The following GSE1 variants were observed in gnomAD, a reference collection of about 807,000 sequenced individuals.
GSE1 encodes genetic suppressor element 1.
Under a neutral mutation model 112.6 loss-of-function variants are expected in GSE1, and 32 were observed. That is an observed-to-expected ratio of 0.28 (90% CI 0.21 to 0.38). The LOEUF is 0.38. GSE1 is among the 10% of genes least tolerant of loss of function. The pLI is 1.00. For synonymous variants in GSE1, 1,115 were observed against 735.6 expected (o/e 1.52, Z -8.35); for missense variants, 2,348 against 1,699.2 (o/e 1.38, Z -6.71).
chr16:85,606,870 C>G (rs1025066830), upstream of GSE1, among the ~76,000 whole-genome samples: 2 of 152,232 alleles, frequency 1.3e-5, no homozygotes, highest in African/African-American at 4.8e-5. Flanking sequence ...TTCTCTGCCC[C>G]CCATCAAGGG....
At chr16:85,547,878 C>CAA (rs755865916) in intron 2 of GSE1, among the ~76,000 whole-genome samples, 25,210 of 91,788 alleles carry the variant, frequency 0.27, 2,885 homozygotes, top group South Asian at 0.44. Flanking sequence ...GTCTCTGTCT[C>CAA]AAAAAAAAAA....
intron 2 of GSE1, among the ~76,000 whole-genome samples, chr16:85,390,398 G>A (rs894637415): frequency 2.6e-5 from 4 of 152,160 alleles, no homozygotes; most frequent in African/African-American, 7.2e-5. Flanking sequence ...GGGGGCACCC[G>A]TGCCCCCCAG....
intron 1 of GSE1, among the ~76,000 whole-genome samples, chr16:85,176,482 G>A (rs1162944059): frequency 1.3e-5 from 2 of 152,238 alleles, no homozygotes; most frequent in African/African-American, 2.4e-5. Context: ...CTTCCCCAGT[G>A]TGGACCATCT....
At chr16:85,345,345 G>A (rs1036493573) in intron 1 of GSE1, among the ~76,000 whole-genome samples, 1 of 152,202 alleles carries the variant, frequency 6.6e-6, no homozygotes, top group Non-Finnish European at 1.5e-5. Flanking sequence ...GGCTGCTTGG[G>A]TGCTGCAGTG....
upstream of GSE1, among the ~76,000 whole-genome samples, chr16:85,553,454 C>T (rs531145287): frequency 1.1e-3 from 167 of 151,868 alleles, 1 homozygote; most frequent in African/African-American, 3.6e-3. Context: ...GCGCGGGCGG[C>T]CCCGAGCGGC....
chr16:85,603,744 C>T (rs957653962), intron 1 of GSE1, among the ~76,000 whole-genome samples: 18 of 152,266 alleles, frequency 1.2e-4, no homozygotes, highest in African/African-American at 4.3e-4. Flanking sequence ...AGGGCTCAAG[C>T]GATCCTCCCT....
intron 2 of GSE1, among the ~76,000 whole-genome samples, chr16:85,464,674 G>C (rs2050075363): frequency 2.0e-5 from 3 of 152,244 alleles, no homozygotes. Flanking sequence ...TGGCCTGCAG[G>C]GTGTGGTGGT....
intron 1 of GSE1, among the ~76,000 whole-genome samples, chr16:85,286,232 T>C (rs538073393): frequency 6.6e-6 from 1 of 152,344 alleles, no homozygotes; most frequent in South Asian, 2.1e-4. Context: ...CCACTTGATA[T>C]TTTCCAATAC....
chr16:85,364,075 T>TA (rs1567713414), intron 2 of GSE1, among the ~76,000 whole-genome samples: 1 of 152,256 alleles, frequency 6.6e-6, no homozygotes, highest in African/African-American at 2.4e-5. Flanking sequence ...AGTCTGACGT[T>TA]AGTCTCACTG....
chr16:85,451,426 C>T lies in GSE1; in HGVS notation c.2464+93783C>T, dbSNP rs552560513. Reference sequence around the variant, plus strand: ...TGCGTGAGCTGGTGGTTGGTGCGTGCGCTGGTGGTGGTTGGTGTGTGTGCT... The same window carrying T: ...TGCGTGAGCTGGTGGTTGGTGCGTGTGCTGGTGGTGGTTGGTGTGTGTGCT... On this transcript the variant is annotated intron_variant, in intron 2 of 2. Transcript: ENST00000637419. 2.9e-3 allele frequency among the ~76,000 whole-genome samples: 441 copies of T among 149,626 alleles called. 2 individuals are homozygous for T. Among genetic ancestry groups the T allele is most frequent in the Middle Eastern group, 0.014 (4 of 292 alleles).
chr16:85,553,584 C>T (rs1029539179), upstream of GSE1, among the ~76,000 whole-genome samples: 4 of 152,068 alleles, frequency 2.6e-5, no homozygotes, highest in East Asian at 3.9e-4. Context: ...AAAGACGCTC[C>T]TCGCACCCCG....
At chr16:85,328,817 G>A (rs1020977548) in intron 1 of GSE1, among the ~76,000 whole-genome samples, 2 of 50,530 alleles carry the variant, frequency 4.0e-5, no homozygotes, top group African/African-American at 7.6e-5. Flanking sequence ...GGGCCTCCCC[G>A]CCCCGGGGCC....
intron 2 of GSE1, among the ~76,000 whole-genome samples, chr16:85,524,578 G>A (rs539111052): frequency 4.5e-4 from 68 of 152,236 alleles, no homozygotes; most frequent in Non-Finnish European, 6.2e-4. Context: ...AGGGGGAGCC[G>A]AGGGGTGCTG....
intron 2 of GSE1, among the ~76,000 whole-genome samples, chr16:85,468,282 A>T (rs190750364): frequency 1.7e-3 from 254 of 148,052 alleles, no homozygotes; most frequent in Middle Eastern, 3.6e-3. Flanking sequence ...GAAGGGCTGG[A>T]CCAGCTTCTT....
chr16:85,567,759 G>A (rs2045821135), intron 1 of GSE1, among the ~76,000 whole-genome samples: 1 of 152,230 alleles, frequency 6.6e-6, no homozygotes, highest in Non-Finnish European at 1.5e-5. Context: ...GTCTCGCTCT[G>A]TTGCTCGGGC....
At chr16:85,599,431 G>C (rs2047370833) in intron 1 of GSE1, among the ~76,000 whole-genome samples, 2 of 152,228 alleles carry the variant, frequency 1.3e-5, no homozygotes, top group Admixed American at 1.3e-4. Context: ...CCCTGGACCT[G>C]CCCCCAATCT....
intron 2 of GSE1, among the ~76,000 whole-genome samples, chr16:85,380,187 C>T (rs2047514778): frequency 6.6e-6 from 1 of 152,188 alleles, no homozygotes. Flanking sequence ...GGGCAGGGCT[C>T]TTATACCCCA....
chr16:85,665,124 G>A lies in GSE1; in HGVS notation c.2754G>A (p.Leu918=). 2 of 1,586,924 alleles carry A rather than the reference G, an allele frequency of 1.3e-6. No individual in the cohort carries two copies. ...CGAGGGACAGTCCTGCCGTCTCCCT[G>A]AGTGGTAAGGGAAGGATAGCCCCAC... ...NSPRDSPAVS[L]SEPATQQASL... is the part of the protein sequence containing the mutation. Residue 918 remains leucine, a synonymous_variant, in exon 12 of 16, where the codon CTG becomes CTA. Coordinates refer to ENST00000253458, the MANE Select transcript of GSE1 (RefSeq NM_014615.5).
At chr16:85,276,377 G>A (rs1484068475) in intron 1 of GSE1, among the ~76,000 whole-genome samples, 2 of 152,226 alleles carry the variant, frequency 1.3e-5, no homozygotes, top group Non-Finnish European at 2.9e-5. Flanking sequence ...GGTACGCACT[G>A]GACCAGGAAG....
Sources: gnomAD v4.1 joint callset for allele counts (sites outside exome capture counted in the v4.1 genomes callset) on GRCh38, gnomAD v4.1.1 for gene constraint, MANE v1.5 for transcripts, NCBI Gene and HGNC (gene_info 2026-07-23, HGNC 2026-07-21) for gene names.